The following GABPB2 variants were observed in gnomAD, a reference collection of about 807,000 sequenced individuals.
GABPB2 encodes the protein GA-binding protein subunit beta-2.
Under a neutral mutation model 39.1 loss-of-function variants are expected in GABPB2, and 23 were observed. The ratio of observed to expected loss-of-function variants is 0.59; its 90% CI spans 0.42 to 0.83. The LOEUF (loss-of-function observed/expected upper bound fraction) is 0.83, where lower values mean the gene tolerates loss of function less well. GABPB2 is among the 40% of genes least tolerant of loss of function. GABPB2 has a pLI of 0.00. For synonymous variants in GABPB2, 184 were observed against 199.3 expected (o/e 0.92, Z 0.65); for missense variants, 467 against 541.1 (o/e 0.86, Z 1.36).
intron 1 of GABPB2, among the ~76,000 whole-genome samples, chr1:151,085,226 C>T (rs587708207): frequency 4.6e-5 from 7 of 151,752 alleles, no homozygotes; most frequent in Middle Eastern, 3.4e-3. Flanking sequence ...GGCAAAACCC[C>T]TCTCTACTAA....
intron 7 of GABPB2, among the ~76,000 whole-genome samples, chr1:151,108,200 C>T (rs587684428): frequency 6.6e-6 from 1 of 152,194 alleles, no homozygotes; most frequent in South Asian, 2.1e-4. Flanking sequence ...GATGGAGTTC[C>T]TCTTTGTTGC....
At position 151,119,022 on chromosome 1, in the gene GABPB2, T is replaced by C. The variant is rs929301199; in HGVS notation, c.*766T>C. 8 of 152,160 alleles carry C rather than the reference T, an allele frequency of 5.3e-5. No homozygotes were observed. Among genetic ancestry groups the C allele is most frequent in the African/African-American group, 1.9e-4 (8 of 41,440 alleles). The allele number at this position is 152,160 out of a possible 1,614,324, so 9.4% of individuals were successfully genotyped here. On this transcript the variant is annotated 3_prime_UTR_variant, in exon 9 of 9. Coordinates refer to ENST00000368918, the MANE Select transcript of GABPB2 (RefSeq NM_144618.3). Reference sequence around the variant, plus strand: ...TAGTTCAGATGCTTGTGTAAGAAACTGAAATAAGCTGCGTGTGGTGGCTCA... The same window carrying C: ...TAGTTCAGATGCTTGTGTAAGAAACCGAAATAAGCTGCGTGTGGTGGCTCA...
chr1:151,079,538 C>T (rs1677468361), intron 1 of GABPB2, among the ~76,000 whole-genome samples: 1 of 151,616 alleles, frequency 6.6e-6, no homozygotes, highest in Non-Finnish European at 1.5e-5. Context: ...GAGACCCTGT[C>T]TCAGTAAATA....
intron 5 of GABPB2, among the ~76,000 whole-genome samples, chr1:151,098,562 C>T (rs7537292): frequency 6.7e-6 from 1 of 149,368 alleles, no homozygotes; most frequent in African/African-American, 2.5e-5. Flanking sequence ...TATGCCTAGA[C>T]CAAAAATGAA....
chr1:151,096,488 T>A (rs1021112206), intron 4 of GABPB2, among the ~76,000 whole-genome samples: 12 of 151,386 alleles, frequency 7.9e-5, no homozygotes, highest in South Asian at 2.1e-4. Flanking sequence ...ATTTTCAGTA[T>A]TTTTTTTTAA....
intron 1 of GABPB2, among the ~76,000 whole-genome samples, chr1:151,076,086 C>T (rs1387739196): frequency 6.6e-6 from 1 of 152,084 alleles, no homozygotes; most frequent in East Asian, 1.9e-4. Context: ...AAAAGGTGTT[C>T]AGTTTAAGAA....
chr1:151,080,215 CAAAAAAAAAAAAAA>C (rs57351502), intron 1 of GABPB2, among the ~76,000 whole-genome samples: 2,362 of 29,886 alleles, frequency 0.079, 55 homozygotes, highest in African/African-American at 0.18. Context: ...AACTCCATCT[CAAAAAAAAAAAAAA>C]AAAAAAAAAA....
At chr1:151,105,073 A>C (rs1679854911) in intron 6 of GABPB2, among the ~76,000 whole-genome samples, 1 of 151,684 alleles carries the variant, frequency 6.6e-6, no homozygotes, top group South Asian at 2.1e-4. Context: ...TGCCCAGCTA[A>C]ATTTTGTATT....
At position 151,081,773 on chromosome 1, in the gene GABPB2, T is replaced by C. The variant is rs190214418; in HGVS notation, c.1-6417T>C. On this transcript the variant is annotated intron_variant, in intron 1 of 8. Transcript: ENST00000368918. ...CCTCAGCCTCCCGAGTAGCTGAGACTGCAGACGTGCACCACCATGCCCAGC... is the reference window on the plus strand; with the variant it reads ...CCTCAGCCTCCCGAGTAGCTGAGACCGCAGACGTGCACCACCATGCCCAGC... Among the ~76,000 whole-genome samples the C allele has an allele frequency of 8.4e-3, 1,279 of 152,132 alleles. 6 individuals are homozygous for C. Among genetic ancestry groups the C allele is most frequent in the Non-Finnish European group, 0.015 (992 of 68,006 alleles).
Position 151,070,794 on chromosome 1 carries a change from G to C in GABPB2, c.-141G>C, listed in dbSNP as rs1190753841. ...GTTGCCTCTGTTTCTCCACGAGGGG[G>C]GGTTAAAGGCCCCCAAAACATGCAC... is the stretch of plus-strand genomic sequence containing the variant. On this transcript the variant is annotated 5_prime_UTR_variant, in exon 1 of 9. Transcript: ENST00000368918. 1 of 152,122 alleles carries C rather than the reference G, an allele frequency of 6.6e-6. No individual in the cohort carries two copies. The highest frequency in any genetic ancestry group is 2.4e-5 in the African/African-American group (1 of 41,402). 9.4% of individuals were successfully genotyped at this position (152,122 alleles called of 1,614,324 possible).
At chr1:151,071,717 C>G (rs1397422427) in intron 1 of GABPB2, among the ~76,000 whole-genome samples, 1 of 152,128 alleles carries the variant, frequency 6.6e-6, no homozygotes, top group African/African-American at 2.4e-5. Context: ...GGGGATCCCC[C>G]CGCCTTGGCC....
intron 5 of GABPB2, among the ~76,000 whole-genome samples, chr1:151,102,590 C>G (rs1427685067): frequency 6.6e-6 from 1 of 151,888 alleles, no homozygotes; most frequent in East Asian, 1.9e-4. Flanking sequence ...TTATAGGTGC[C>G]CACCACCAAC....
chr1:151,097,363 A>G (rs1679170605), intron 4 of GABPB2, among the ~76,000 whole-genome samples: 1 of 152,196 alleles, frequency 6.6e-6, no homozygotes, highest in Admixed American at 6.6e-5. Context: ...GGTCTGAAAA[A>G]AAATGGTGGT....
In GABPB2 at chr1:151,083,360, G is replaced by T. The variant is rs141041537; in HGVS notation, c.1-4830G>T. ...TAAATACTGTCAATTGGCTGGGCGC[G>T]GTGGCTCACGCCTGTAATCCCAGCA... is the stretch of plus-strand genomic sequence containing the variant. On this transcript the variant is annotated intron_variant, in intron 1 of 8. Coordinates refer to ENST00000368918, the MANE Select transcript of GABPB2 (RefSeq NM_144618.3). Among the ~76,000 whole-genome samples, 832 of 152,268 alleles carry T rather than the reference G, an allele frequency of 5.5e-3. 6 individuals are homozygous for T. The highest frequency in any genetic ancestry group is 7.6e-3 in the Non-Finnish European group (519 of 68,024).
intron 7 of GABPB2, among the ~76,000 whole-genome samples, chr1:151,113,284 C>T (rs1331054003): frequency 2.0e-5 from 3 of 151,508 alleles, no homozygotes; most frequent in Non-Finnish European, 2.9e-5. Flanking sequence ...CTGGCTAACG[C>T]GGTGAAACCC....
At chr1:151,098,531 C>A (rs2101521520) in intron 5 of GABPB2, among the ~76,000 whole-genome samples, 1 of 149,310 alleles carries the variant, frequency 6.7e-6, no homozygotes, top group South Asian at 2.1e-4. Flanking sequence ...AAATATTGTA[C>A]AGATTAATCT....
At chr1:151,074,420 C>T (rs1676990731) in intron 1 of GABPB2, among the ~76,000 whole-genome samples, 2 of 150,710 alleles carry the variant, frequency 1.3e-5, no homozygotes, top group Non-Finnish European at 2.9e-5. Context: ...ACGCCATTAT[C>T]CTGCCTCAGC....
At chr1:151,109,365 T>TA (rs1491291362) in intron 7 of GABPB2, among the ~76,000 whole-genome samples, 6 of 69,108 alleles carry the variant, frequency 8.7e-5, no homozygotes, top group South Asian at 6.7e-4. Context: ...TATATATATA[T>TA]TTTTTTTTTT....
chr1:151,088,319 CTT>C, intron 2 of GABPB2, 22 bp downstream of exon 2: 1 of 1,575,656 alleles, frequency 6.3e-7, no homozygotes, highest in Non-Finnish European at 8.7e-7. Context: ...GGAGAGGTCT[CTT>C]AATTATTTCC....
Sources: allele counts gnomAD v4.1 joint callset (sites outside exome capture counted in the v4.1 genomes callset), GRCh38; gene constraint gnomAD v4.1.1; transcripts MANE v1.5; gene names NCBI Gene and HGNC (gene_info 2026-07-23, HGNC 2026-07-21).